ADAM28: variants seen among roughly 807,000 people sequenced by gnomAD.
The protein encoded by ADAM28 is ADAM metallopeptidase domain 28.
Under a neutral mutation model 101.2 loss-of-function variants are expected in ADAM28, and 105 were observed. The observed-to-expected ratio is 1.04, with a 90% CI of 0.89 to 1.22. The LOEUF is 1.22. ADAM28 is among the 50% of genes most tolerant of loss of function. The pLI is 0.00. For synonymous variants in ADAM28, 322 were observed against 310.6 expected, an observed-to-expected ratio of 1.04 and a Z score of -0.39; for missense variants, 1,028 against 945.4, an observed-to-expected ratio of 1.09 and a Z score of -1.15.
chr8:24,310,806 C>T (rs1810353458), intron 4 of ADAM28, among the ~76,000 whole-genome samples: 1 of 152,102 alleles, frequency 6.6e-6, no homozygotes, highest in South Asian at 2.1e-4. Context: ...GTCAACACCT[C>T]ATCTGTCCCG....
Position 24,341,587 on chromosome 8 carries a change from T to C in ADAM28, c.1671-11T>C. 6.2e-7 allele frequency: 1 copy of C among 1,608,370 alleles called. No individual in the cohort carries two copies. The highest frequency in any genetic ancestry group is 8.5e-7 in the Non-Finnish European group (1 of 1,176,476). ...TTTGAATCCTGCAATACATTTTGGCTTTTTCCTCAGTGATACCATGTGTGG... is the reference window on the plus strand; with the variant it reads ...TTTGAATCCTGCAATACATTTTGGCCTTTTCCTCAGTGATACCATGTGTGG... On this transcript the variant is annotated splice_polypyrimidine_tract_variant and intron_variant, in intron 15 of 22. Transcript: ENST00000265769.
At chr8:24,351,555 GTC>G in intron 20 of ADAM28, 1 of 560,330 alleles carries the variant, frequency 1.8e-6, no homozygotes, top group Non-Finnish European at 3.2e-6. Context: ...ATGTCTGTCT[GTC>G]TCTCTCTTTG....
chr8:24,313,216 T>TA, intron 5 of ADAM28, among the ~76,000 whole-genome samples, 172 bp from the exon 6 acceptor site: 2 of 152,364 alleles, frequency 1.3e-5, no homozygotes, highest in Admixed American at 1.3e-4. Context: ...TAAGTTTAGA[T>TA]AATCTTCAAG....
intron 1 of ADAM28, among the ~76,000 whole-genome samples, chr8:24,296,459 A>C (rs776095488): frequency 1.3e-5 from 2 of 152,174 alleles, no homozygotes; most frequent in Non-Finnish European, 2.9e-5. Context: ...TTCAGTTTGG[A>C]AAGAAGACAT....
intron 18 of ADAM28, among the ~76,000 whole-genome samples, chr8:24,346,791 C>T (rs2129334718): frequency 6.6e-6 from 1 of 152,192 alleles, no homozygotes; most frequent in Non-Finnish European, 1.5e-5. Context: ...CCCTCTTTCT[C>T]TAAGGGTTGA....
chr8:24,358,972 T>A lies in ADAM28; in HGVS notation c.*4568T>A, dbSNP rs1816847233. On this transcript the variant is annotated 3_prime_UTR_variant, in exon 23 of 23. Transcript: ENST00000265769. ...TACTTTAAATAGTTTGACAATGTTATTTTAAAATCTGGACAAATCACAAAT... is the reference window on the plus strand; with the variant it reads ...TACTTTAAATAGTTTGACAATGTTAATTTAAAATCTGGACAAATCACAAAT... 1 of 152,202 alleles carries A rather than the reference T, an allele frequency of 6.6e-6. No homozygotes were observed. The highest frequency in any genetic ancestry group is 1.5e-5 in the Non-Finnish European group (1 of 68,034). 9.4% of individuals were successfully genotyped at this position (152,202 alleles called of 1,614,324 possible). A position where few individuals can be genotyped will look rare whatever the true frequency, so the allele number is the denominator to read the frequency against.
At chr8:24,295,221 T>G (rs1807800690) in intron 1 of ADAM28, among the ~76,000 whole-genome samples, 1 of 152,198 alleles carries the variant, frequency 6.6e-6, no homozygotes, top group Non-Finnish European at 1.5e-5. Context: ...ATTTTCCTTT[T>G]GTTTCTGTGT....
chr8:24,314,498 G>T (rs1810896381), intron 6 of ADAM28, among the ~76,000 whole-genome samples: 2 of 152,048 alleles, frequency 1.3e-5, no homozygotes, highest in Non-Finnish European at 2.9e-5. Context: ...TTATTTCCAA[G>T]ATTTATTTCA....
chr8:24,311,383 A>T lies in ADAM28; in HGVS notation c.329A>T (p.His110Leu), dbSNP rs1320757581. ...TAGGATGATTGTTATTATCAAGGAC[A>T]TATTCTTAATGAAAAGGTTTCTGAC... ...QIMDDCYYQG[H>L]ILNEKVSDAS... Residue 110 changes from histidine to leucine, a missense_variant, in exon 5 of 23, where the codon CAT (histidine) becomes CTT (leucine). His to Leu is a moderately conservative substitution (Grantham distance 99). Transcript: ENST00000265769. 1 of 1,613,218 alleles carries T rather than the reference A, an allele frequency of 6.2e-7. No homozygotes were observed. The highest frequency in any genetic ancestry group is 1.1e-5 in the South Asian group (1 of 90,994).
In ADAM28 at chr8:24,343,147, C is replaced by A. The variant is rs779215661; in HGVS notation, c.1877C>A (p.Ser626Ter). 9.9e-6 allele frequency: 16 copies of A among 1,613,730 alleles called. No homozygotes were observed. In the South Asian group the frequency reaches 1.6e-4, roughly 17 times the overall value. ...ECVDIEKAYK[S>*]TNCSSKCKGH... Reference sequence around the variant, plus strand: ...GTGGATATTGAGAAAGCCTACAAATCAACCAATTGCTCATCTAAGTGCAAA... The same window carrying A: ...GTGGATATTGAGAAAGCCTACAAATAAACCAATTGCTCATCTAAGTGCAAA... The change falls in exon 17 of 23, where the codon TCA becomes TAA. Residue 626 changes from serine (S) to a stop codon, truncating the protein, a stop_gained. Transcript: ENST00000265769. LOFTEE classifies it high-confidence loss of function.
rs371630164 is a variant in ADAM28 at position 24,353,784 on chromosome 8, C to A, written c.2259C>A (p.Asn753Lys). The A allele has an allele frequency of 6.6e-7, 1 of 1,517,792 alleles. No homozygotes were observed. The highest frequency in any genetic ancestry group is 9.1e-7 in the Non-Finnish European group (1 of 1,093,088). 94.0% of individuals were successfully genotyped at this position (1,517,792 alleles called of 1,614,324 possible). The change falls in exon 22 of 23, where the codon AAC (asparagine) becomes AAA (lysine). Residue 753 changes from asparagine to lysine, a missense_variant. Asn to Lys is a moderately conservative substitution (Grantham distance 94, BLOSUM62 0). Transcript: ENST00000265769. ...EPPASFHKDT[N>K]ALPPTVFKDN... Reference sequence around the variant, plus strand: ...AATTAACGTAGCATAAAGACACAAACGCACTTCCCCCTACTGTTTTCAAGG... The same window carrying A: ...AATTAACGTAGCATAAAGACACAAAAGCACTTCCCCCTACTGTTTTCAAGG...
At chr8:24,343,381 T>C in intron 17 of ADAM28, 125 bp from the exon 18 acceptor site, 2 of 1,103,170 alleles carry the variant, frequency 1.8e-6, no homozygotes, top group Non-Finnish European at 1.3e-6. Context: ...ATACTTTTTG[T>C]AGATAGATGG....
Position 24,350,859 on chromosome 8 carries a change from A to G in ADAM28, c.2100-373A>G, listed in dbSNP as rs571335793. Among the ~76,000 whole-genome samples, 46 of 58,664 alleles carry G rather than the reference A, an allele frequency of 7.8e-4. No individual in the cohort carries two copies. In the East Asian group the frequency reaches 0.023, roughly 29 times the overall value. 38.5% of individuals were successfully genotyped at this position (58,664 alleles called of 152,430 possible). A position where few individuals can be genotyped will look rare whatever the true frequency, so the allele number is the denominator to read the frequency against. ...GTCTCACGAACGTGATTCTGGCACA[A>G]CGGTGTTTTTTTTTTTTTTTTTTTT... On this transcript the variant is annotated intron_variant, in intron 19 of 22. Transcript: ENST00000265769.
intron 15 of ADAM28, chr8:24,341,324 C>A: frequency 3.2e-6 from 1 of 310,268 alleles, no homozygotes; most frequent in South Asian, 1.1e-4. Context: ...AGAATTTGTG[C>A]TTAAGATTCT....
intron 8 of ADAM28, among the ~76,000 whole-genome samples, chr8:24,322,987 GT>G (rs1812080193): frequency 6.6e-6 from 1 of 151,906 alleles, no homozygotes; most frequent in African/African-American, 2.4e-5. Flanking sequence ...TTCAATCCAT[GT>G]TTAAGATTAG....
chr8:24,325,871 C>CAAAAAAAAAAAAAAG (rs1812478183), intron 9 of ADAM28, among the ~76,000 whole-genome samples: 1 of 20,422 alleles, frequency 4.9e-5, no homozygotes, highest in Non-Finnish European at 8.1e-5. Flanking sequence ...GTACAGATAG[C>CAAAAAAAAAAAAAAG]AAAAAAAAAA....
At position 24,343,563 on chromosome 8, in the gene ADAM28, G is replaced by T; in HGVS notation, c.1969G>T (p.Asp657Tyr). The change falls in exon 18 of 23, where the codon GAT becomes TAT. Residue 657 changes from aspartate to tyrosine, a missense_variant. Asp to Tyr is a radical substitution (Grantham distance 160, BLOSUM62 -3). Coordinates refer to ENST00000265769, the MANE Select transcript of ADAM28 (RefSeq NM_014265.6). ...CEEGWIPPDCDDSSVVFHFSI... is the reference protein window; with the variant it reads ...CEEGWIPPDCYDSSVVFHFSI... ...GGAAGGATGGATCCCTCCCGACTGCGATGACTCCTCAGTGGTCTTCCGTAG... is the reference window on the plus strand; with the variant it reads ...GGAAGGATGGATCCCTCCCGACTGCTATGACTCCTCAGTGGTCTTCCGTAG... 1 of 1,613,752 alleles carries T rather than the reference G, an allele frequency of 6.2e-7. No individual in the cohort carries two copies. The highest frequency in any genetic ancestry group is 8.5e-7 in the Non-Finnish European group (1 of 1,179,802).
At chr8:24,353,599 G>A (rs960509980) in intron 21 of ADAM28, among the ~76,000 whole-genome samples, 171 bp from the exon 22 acceptor site, 2 of 152,228 alleles carry the variant, frequency 1.3e-5, no homozygotes, top group Non-Finnish European at 2.9e-5. Context: ...AAAGTAGGAC[G>A]AATATTCATT....
At chr8:24,345,283 T>A (rs559712802) in intron 18 of ADAM28, among the ~76,000 whole-genome samples, 3 of 152,154 alleles carry the variant, frequency 2.0e-5, no homozygotes, top group African/African-American at 7.2e-5. Flanking sequence ...GGTTTTAAAA[T>A]TTATTTTCTT....
Sources: allele counts gnomAD v4.1 joint callset (sites outside exome capture counted in the v4.1 genomes callset), GRCh38; gene constraint gnomAD v4.1.1; transcripts MANE v1.5; gene names NCBI Gene and HGNC (gene_info 2026-07-23, HGNC 2026-07-21).